NBEA: variants seen among roughly 807,000 people sequenced by gnomAD.
NBEA encodes the protein neurobeachin.
Under a neutral mutation model 343.4 loss-of-function variants are expected in NBEA, and 44 were observed. The observed-to-expected ratio is 0.13, with a 90% confidence interval of 0.10 to 0.16. NBEA has a LOEUF of 0.16. Among genes scored for constraint, NBEA ranks in the 10% least tolerant of loss-of-function variants. The pLI is 1.00. For missense variants in NBEA, 2,555 were observed against 3,631.3 expected (o/e 0.70, Z 7.62); for synonymous variants, 1,175 against 1,238.7 (o/e 0.95, Z 1.08).
At chr13:35,470,833 CCACTTGTAA>C (rs2075611641) in intron 40 of NBEA, among the ~76,000 whole-genome samples, 2 of 152,346 alleles carry the variant, frequency 1.3e-5, no homozygotes, top group Admixed American at 1.3e-4. Flanking sequence ...AAACCCAAAT[CCACTTGTAA>C]TCGTACAAGA....
intron 18 of NBEA, among the ~76,000 whole-genome samples, chr13:35,153,687 TAAAAA>T (rs1250204206): frequency 1.3e-5 from 2 of 152,202 alleles, no homozygotes; most frequent in Non-Finnish European, 2.9e-5. Context: ...AGTAGGGACT[TAAAAA>T]GACAATATAA....
At chr13:35,157,593 C>A (rs1277076913) in intron 21 of NBEA, among the ~76,000 whole-genome samples, 1 of 152,026 alleles carries the variant, frequency 6.6e-6, no homozygotes, top group Non-Finnish European at 1.5e-5. Flanking sequence ...ATGAAATAGT[C>A]TCTGAAATAT....
chr13:35,567,614 A>G (rs2080194227), intron 45 of NBEA, among the ~76,000 whole-genome samples: 1 of 152,230 alleles, frequency 6.6e-6, no homozygotes, highest in Non-Finnish European at 1.5e-5. Flanking sequence ...ACTAAGCCCA[A>G]AAAGCTGCTC....
At chr13:35,367,217 G>T (rs563947211) in intron 38 of NBEA, among the ~76,000 whole-genome samples, 23 of 151,174 alleles carry the variant, frequency 1.5e-4, no homozygotes, top group African/African-American at 4.3e-4. Flanking sequence ...AGCTACTTAG[G>T]TAGAAACCTA....
chr13:35,578,510 A>G (rs1380396530), intron 45 of NBEA, among the ~76,000 whole-genome samples: 1 of 152,194 alleles, frequency 6.6e-6, no homozygotes, highest in African/African-American at 2.4e-5. Flanking sequence ...ATAAAGTCAC[A>G]TTAAGATCAG....
At chr13:35,607,262 G>T (rs541061786) in intron 48 of NBEA, among the ~76,000 whole-genome samples, 172 of 152,170 alleles carry the variant, frequency 1.1e-3, no homozygotes, top group African/African-American at 3.9e-3. Context: ...TCACTATGTT[G>T]CACGCACTGA....
intron 18 of NBEA, among the ~76,000 whole-genome samples, chr13:35,146,479 C>T (rs1345302361): frequency 6.6e-6 from 1 of 152,090 alleles, no homozygotes; most frequent in East Asian, 1.9e-4. Context: ...ACGTTGGGTC[C>T]CTTCAGTCCT....
chr13:35,146,870 G>A (rs757560554), intron 18 of NBEA, among the ~76,000 whole-genome samples: 14 of 152,164 alleles, frequency 9.2e-5, no homozygotes, highest in South Asian at 2.1e-4. Flanking sequence ...TGATTAATAG[G>A]CATTTGGGAT....
chr13:35,505,850 A>C (rs960033690), intron 41 of NBEA, among the ~76,000 whole-genome samples: 2 of 152,194 alleles, frequency 1.3e-5, no homozygotes, highest in African/African-American at 4.8e-5. Context: ...GACAGAAAGC[A>C]TTCTACTTTA....
intron 33 of NBEA, among the ~76,000 whole-genome samples, chr13:35,221,054 A>G (rs958222226): frequency 6.6e-6 from 1 of 152,056 alleles, no homozygotes; most frequent in African/African-American, 2.4e-5. Flanking sequence ...GTGGTTTAAT[A>G]TTATCTTCCA....
At position 35,665,009 on chromosome 13, in the gene NBEA, G is replaced by A. The variant is rs116710946; in HGVS notation, c.8363-76G>A. ...CCCTTAATAAACATGGGTATTTTTT[G>A]AATATTGCATTGCTGGTGTAGCTCT... On this transcript the variant is annotated intron_variant, in intron 55 of 58. Coordinates refer to ENST00000379939, the MANE Select transcript of NBEA (RefSeq NM_001385012.1). 1.4e-3 allele frequency: 1,405 copies of A among 978,448 alleles called. 15 individuals are homozygous for A. In the African/African-American group the frequency reaches 0.02, roughly 14 times the overall value. The allele number at this position is 978,448 out of a possible 1,614,324, so 60.6% of individuals were successfully genotyped here.
At chr13:35,590,401 A>T (rs1012026859) in intron 46 of NBEA, among the ~76,000 whole-genome samples, 1 of 152,162 alleles carries the variant, frequency 6.6e-6, no homozygotes, top group African/African-American at 2.4e-5. Flanking sequence ...ATCTTTTTAA[A>T]AGCTATTTAA....
chr13:35,388,064 C>T (rs1029031753), intron 38 of NBEA, among the ~76,000 whole-genome samples: 19 of 152,068 alleles, frequency 1.2e-4, no homozygotes, highest in Non-Finnish European at 2.4e-4. Context: ...TCCGAATCCA[C>T]AAATACACAT....
intron 45 of NBEA, among the ~76,000 whole-genome samples, chr13:35,579,843 C>A (rs1316530108): frequency 6.6e-6 from 1 of 152,044 alleles, no homozygotes; most frequent in East Asian, 1.9e-4. Context: ...AAGTTTGAGA[C>A]AGATTTCTCT....
intron 41 of NBEA, among the ~76,000 whole-genome samples, chr13:35,477,750 G>C (rs2075941548): frequency 6.6e-6 from 1 of 152,152 alleles, no homozygotes; most frequent in South Asian, 2.1e-4. Context: ...TTAATTAAGG[G>C]AAAATGGTTA....
chr13:34,972,796 C>T (rs188504459), intron 1 of NBEA, among the ~76,000 whole-genome samples: 156 of 152,174 alleles, frequency 1.0e-3, no homozygotes, highest in African/African-American at 3.4e-3. Flanking sequence ...GCCACCACAC[C>T]GGCCTGGTTT....
At chr13:35,210,786 T>C (rs1369274047) in intron 32 of NBEA, among the ~76,000 whole-genome samples, 1 of 152,174 alleles carries the variant, frequency 6.6e-6, no homozygotes, top group Non-Finnish European at 1.5e-5. Flanking sequence ...AAAAATTTTT[T>C]CATTTCTTGA....
intron 46 of NBEA, among the ~76,000 whole-genome samples, chr13:35,586,077 T>C (rs543479357): frequency 1.6e-4 from 24 of 152,290 alleles, no homozygotes; most frequent in Admixed American, 1.2e-3. Context: ...TTTTTCCCCT[T>C]ATTAAGATAT....
chr13:35,557,229 T>A (rs1251839935), intron 44 of NBEA, among the ~76,000 whole-genome samples: 4 of 152,164 alleles, frequency 2.6e-5, no homozygotes, highest in Non-Finnish European at 4.4e-5. Flanking sequence ...TCTCTTCTAG[T>A]CTCCATCCCT....
Sources: gnomAD v4.1 joint callset for allele counts (sites outside exome capture counted in the v4.1 genomes callset) on GRCh38, gnomAD v4.1.1 for gene constraint, MANE v1.5 for transcripts, NCBI Gene and HGNC (gene_info 2026-07-23, HGNC 2026-07-21) for gene names.